DTHD1: variants seen among roughly 807,000 people sequenced by gnomAD.
DTHD1 encodes the protein death domain-containing protein 1.
Under a neutral mutation model 74.8 loss-of-function variants are expected in DTHD1, and 59 were observed. The ratio of observed to expected loss-of-function variants is 0.79; its 90% CI spans 0.64 to 0.98. DTHD1 has a LOEUF of 0.98. Ranked by LOEUF, DTHD1 falls within the 50% of genes least tolerant of loss-of-function variation. The pLI is 0.00. For missense variants in DTHD1, 1,051 were observed against 1,065.4 expected (o/e 0.99, Z 0.19); for synonymous variants, 365 against 371.1 (o/e 0.98, Z 0.19).
At chr4:36,328,469 C>T (rs1278130256) in intron 8 of DTHD1, among the ~76,000 whole-genome samples, 2 of 152,080 alleles carry the variant, frequency 1.3e-5, no homozygotes, top group African/African-American at 2.4e-5. Flanking sequence ...GAAAAAAAAC[C>T]GTGTGTGTGT....
intron 8 of DTHD1, among the ~76,000 whole-genome samples, chr4:36,324,509 A>G (rs1291828982): frequency 1.3e-5 from 2 of 152,242 alleles, no homozygotes. Flanking sequence ...GTAAAAAGTT[A>G]TGCTCATTAA....
At chr4:36,341,681 C>A (rs566642101) in intron 9 of DTHD1, among the ~76,000 whole-genome samples, 1 of 152,266 alleles carries the variant, frequency 6.6e-6, no homozygotes, top group Non-Finnish European at 1.5e-5. Flanking sequence ...TGAATGCAAT[C>A]TGAATAACAC....
At chr4:36,331,529 A>G (rs962142344) in intron 8 of DTHD1, among the ~76,000 whole-genome samples, 2 of 152,198 alleles carry the variant, frequency 1.3e-5, no homozygotes, top group African/African-American at 2.4e-5. Flanking sequence ...TGTTAATCCT[A>G]TCACTTTTAC....
intron 3 of DTHD1, among the ~76,000 whole-genome samples, chr4:36,292,358 A>T (rs1489502569): frequency 6.6e-6 from 1 of 152,222 alleles, no homozygotes; most frequent in African/African-American, 2.4e-5. Flanking sequence ...CGAGGGAATC[A>T]TTGTCTATCA....
intron 7 of DTHD1, among the ~76,000 whole-genome samples, chr4:36,314,636 T>G (rs1256029916): frequency 6.6e-6 from 1 of 151,758 alleles, no homozygotes; most frequent in East Asian, 1.9e-4. Flanking sequence ...GAGCTGAGAT[T>G]GTGCCACTGT....
chr4:36,318,419 C>T (rs1238777027), intron 8 of DTHD1, among the ~76,000 whole-genome samples: 2 of 152,104 alleles, frequency 1.3e-5, no homozygotes, highest in Non-Finnish European at 2.9e-5. Flanking sequence ...GCCCTCAGTA[C>T]AGAGGAACAG....
rs1560786736 is a variant in DTHD1 at position 36,290,417 on chromosome 4, G to A, written c.932G>A (p.Cys311Tyr). The change falls in exon 3 of 10, where the codon TGT becomes TAT. Residue 311 changes from cysteine (C) to tyrosine (Y), a missense_variant. Coordinates refer to ENST00000639862, the MANE Select transcript of DTHD1 (RefSeq NM_001170700.3). ...GATGTTACTGGCCCCCAAGTGTCTT[G>A]TTATATTACAGCACCATCATATGTT... The part of the protein sequence containing the change: ...LSDVTGPQVS[C>Y]YITAPSYVLQ... 6.4e-7 allele frequency: 1 copy of A among 1,551,934 alleles called. No homozygotes were observed. Among genetic ancestry groups the A allele is most frequent in the South Asian group, 1.2e-5 (1 of 84,052 alleles).
intron 7 of DTHD1, among the ~76,000 whole-genome samples, chr4:36,311,992 T>C (rs550925928): frequency 3.3e-4 from 51 of 152,328 alleles, no homozygotes; most frequent in African/African-American, 1.2e-3. Flanking sequence ...TCACAGGACA[T>C]GGACTGTATT....
intron 7 of DTHD1, among the ~76,000 whole-genome samples, chr4:36,310,037 T>C (rs947698633): frequency 3.3e-4 from 51 of 152,332 alleles, no homozygotes; most frequent in African/African-American, 1.1e-3. Context: ...GATTTTGTTC[T>C]TTTTTGTGGC....
intron 5 of DTHD1, among the ~76,000 whole-genome samples, chr4:36,296,061 T>C (rs927650672): frequency 2.6e-5 from 4 of 152,102 alleles, no homozygotes; most frequent in Middle Eastern, 3.2e-3. Flanking sequence ...TAGGTTTAAA[T>C]AAAACATAAT....
chr4:36,291,028 C>A (rs974619484), intron 3 of DTHD1, among the ~76,000 whole-genome samples: 1 of 152,082 alleles, frequency 6.6e-6, no homozygotes, highest in African/African-American at 2.4e-5. Flanking sequence ...TATGATGGAC[C>A]CTTGTCTAAA....
At chr4:36,321,773 A>C (rs1253229067) in intron 8 of DTHD1, among the ~76,000 whole-genome samples, 1 of 152,122 alleles carries the variant, frequency 6.6e-6, no homozygotes, top group African/African-American at 2.4e-5. Flanking sequence ...CCTCTGCCCC[A>C]AACCCTTCAG....
chr4:36,326,167 A>G (rs1409782463), intron 8 of DTHD1, among the ~76,000 whole-genome samples: 2 of 152,032 alleles, frequency 1.3e-5, no homozygotes, highest in Non-Finnish European at 2.9e-5. Flanking sequence ...ATGACTCCAC[A>G]CTTAACCCTA....
intron 6 of DTHD1, 54 bp from the exon 7 acceptor site, chr4:36,308,150 G>A (rs1757164731): frequency 6.8e-7 from 1 of 1,474,162 alleles, no homozygotes; most frequent in Non-Finnish European, 9.1e-7. Context: ...AGATATCAGT[G>A]ATGTTCTTGA....
chr4:36,306,693 G>A (rs1353930351), intron 6 of DTHD1, among the ~76,000 whole-genome samples: 3 of 152,162 alleles, frequency 2.0e-5, no homozygotes, highest in Non-Finnish European at 4.4e-5. Flanking sequence ...TAGATAAGCG[G>A]AATTTGTTAC....
Position 36,313,651 on chromosome 4 carries a change from T to G in DTHD1, c.2096-2591T>G, listed in dbSNP as rs1215730562. Among the ~76,000 whole-genome samples, 3 of 152,218 alleles carry G rather than the reference T, an allele frequency of 2.0e-5. No homozygotes were observed. In the East Asian group the frequency reaches 5.8e-4, roughly 29 times the overall value. ...CCCAACTACATATATAAATGTGATCTTTAGAGAGTTGCCCTAGAGGTCTTT... is the reference window on the plus strand; with the variant it reads ...CCCAACTACATATATAAATGTGATCGTTAGAGAGTTGCCCTAGAGGTCTTT... On this transcript the variant is annotated intron_variant, in intron 7 of 9. Transcript: ENST00000639862.
At chr4:36,341,460 A>G (rs1396863574) in intron 9 of DTHD1, among the ~76,000 whole-genome samples, 3 of 152,218 alleles carry the variant, frequency 2.0e-5, no homozygotes, top group Non-Finnish European at 2.9e-5. Flanking sequence ...GGAGAAGCAG[A>G]CATGGGCTGA....
intron 5 of DTHD1, among the ~76,000 whole-genome samples, chr4:36,299,075 CCA>C (rs900787042): frequency 2.2e-4 from 33 of 152,270 alleles, no homozygotes; most frequent in African/African-American, 7.7e-4. Context: ...TTTGTCCTCA[CCA>C]CAGTCACTCA....
At chr4:36,287,884 G>A (rs1755810732) in intron 2 of DTHD1, among the ~76,000 whole-genome samples, 1 of 152,082 alleles carries the variant, frequency 6.6e-6, no homozygotes. Context: ...CTGGATATTA[G>A]TCCTTTGTCG....
Sources: gnomAD v4.1 joint callset for allele counts (sites outside exome capture counted in the v4.1 genomes callset) on GRCh38, gnomAD v4.1.1 for gene constraint, MANE v1.5 for transcripts, NCBI Gene and HGNC (gene_info 2026-07-23, HGNC 2026-07-21) for gene names.